CECR2: variants seen among roughly 807,000 people sequenced by gnomAD.
The protein encoded by CECR2 is CECR2 histone acetyl-lysine reader.
A neutral mutation model predicts 154.5 loss-of-function variants in CECR2; 30 were observed. The ratio of observed to expected loss-of-function variants is 0.19; its 90% CI spans 0.15 to 0.26. The LOEUF (loss-of-function observed/expected upper bound fraction) is 0.26, where lower values mean the gene tolerates loss of function less well. Ranked by LOEUF, CECR2 falls within the 10% of genes least tolerant of loss-of-function variation. The pLI, the probability that CECR2 is intolerant of heterozygous loss-of-function variation, is 1.00. For synonymous variants in CECR2, 725 were observed against 683.7 expected, an observed-to-expected ratio of 1.06 and a Z score of -0.94; for missense variants, 1,743 against 1,829.3, an observed-to-expected ratio of 0.95 and a Z score of 0.86.
In CECR2 at chr22:17,539,017, G is replaced by C; in HGVS notation, c.1393G>C (p.Glu465Gln). 3 of 1,613,792 alleles carry C rather than the reference G, an allele frequency of 1.9e-6. No individual in the cohort carries two copies. The highest frequency in any genetic ancestry group is 2.5e-6 in the Non-Finnish European group (3 of 1,179,808). The change falls in exon 13 of 19, where the codon GAG becomes CAG. Residue 465 changes from glutamate to glutamine, a missense_variant. By Grantham distance (29) the Glu-to-Gln change is conservative (BLOSUM62 2). Around this residue, in one of 4 missense-constraint regions of CECR2, gnomAD observed 103 missense variants for 166.8 expected, o/e 0.62. Transcript: ENST00000262608. ...GGCCCCCATGGATATTTCCAGCATG[G>C]AGAAGAAACTGAATGGAGGTTTATA... The part of the protein sequence containing the change: ...IKAPMDISSM[E>Q]KKLNGGLYCT...
At chr22:17,432,750 C>T (rs972875216) in intron 1 of CECR2, among the ~76,000 whole-genome samples, 1 of 152,162 alleles carries the variant, frequency 6.6e-6, no homozygotes, top group African/African-American at 2.4e-5. Context: ...ACCCTCCTAC[C>T]TCAGCCTCCT....
rs1029214007 is a variant in CECR2 at position 17,552,891 on chromosome 22, G to T, written c.*51G>T. 6.5e-7 allele frequency: 1 copy of T among 1,546,274 alleles called. No individual in the cohort carries two copies. The highest frequency in any genetic ancestry group is 8.7e-7 in the Non-Finnish European group (1 of 1,144,740). Reference sequence around the variant, plus strand: ...AATGGAAAGCTGCACACGAAGACTGGAATGTGGAGAACTGGGGAGTGCCCT... The same window carrying T: ...AATGGAAAGCTGCACACGAAGACTGTAATGTGGAGAACTGGGGAGTGCCCT... On this transcript the variant is annotated 3_prime_UTR_variant, in exon 19 of 19. Coordinates refer to ENST00000262608, the MANE Select transcript of CECR2 (RefSeq NM_001290047.2).
At chr22:17,433,201 T>C (rs1158433802) in intron 1 of CECR2, among the ~76,000 whole-genome samples, 1 of 152,220 alleles carries the variant, frequency 6.6e-6, no homozygotes, top group Non-Finnish European at 1.5e-5. Flanking sequence ...CTCATATTGC[T>C]GTATTTAAAA....
chr22:17,468,017 TAGA>T, intron 1 of CECR2, among the ~76,000 whole-genome samples: 1 of 152,318 alleles, frequency 6.6e-6, no homozygotes, highest in East Asian at 1.9e-4. Context: ...TCCTTCTTGG[TAGA>T]AGGAGAGGGC....
chr22:17,516,863 G>A (rs138962519), intron 8 of CECR2, among the ~76,000 whole-genome samples: 1 of 152,050 alleles, frequency 6.6e-6, no homozygotes, highest in East Asian at 1.9e-4. Context: ...CAAAGTGCTG[G>A]GATTACAGGT....
At chr22:17,501,726 C>G (rs1467973389) in intron 5 of CECR2, among the ~76,000 whole-genome samples, 1 of 152,104 alleles carries the variant, frequency 6.6e-6, no homozygotes, top group Non-Finnish European at 1.5e-5. Flanking sequence ...CACCTGTTTC[C>G]GGGTTTGTTA....
chr22:17,367,334 C>T (rs1351220994), upstream of CECR2, among the ~76,000 whole-genome samples: 1 of 152,018 alleles, frequency 6.6e-6, no homozygotes, highest in Non-Finnish European at 1.5e-5. Flanking sequence ...AGGGAAGAAG[C>T]TTAAACGATG....
intron 1 of CECR2, among the ~76,000 whole-genome samples, chr22:17,465,874 C>T (rs2146751345): frequency 6.6e-6 from 1 of 152,248 alleles, no homozygotes; most frequent in South Asian, 2.1e-4. Context: ...CTACCTCGTC[C>T]TCCCAAATTG....
rs149966407 is a variant in CECR2, at chr22:17,378,974, CAG to C, written c.126+9068_126+9069del. ...TGTTAATTTTTTTCTTTCTTTGAGA[CAG>C]AGTTTTGCTTTTGTGGCCCACCCAG... On this transcript the variant is annotated intron_variant, in intron 1 of 18. Coordinates refer to ENST00000262608, the MANE Select transcript of CECR2 (RefSeq NM_001290047.2). 7.9e-4 allele frequency among the ~76,000 whole-genome samples: 120 copies of C among 152,118 alleles called. 1 individual carries two copies. In the East Asian group the frequency reaches 0.021, roughly 27 times the overall value.
intron 14 of CECR2, 39 bp from the exon 15 acceptor site, chr22:17,541,800 T>C: frequency 6.3e-7 from 1 of 1,576,776 alleles, no homozygotes; most frequent in Non-Finnish European, 8.6e-7. Context: ...GTCTGTGCCT[T>C]TCCTTTTTCC....
chr22:17,377,430 ATT>A (rs566171737), intron 1 of CECR2, among the ~76,000 whole-genome samples: 10 of 140,304 alleles, frequency 7.1e-5, no homozygotes, highest in African/African-American at 1.3e-4. Flanking sequence ...TTCTTACTTC[ATT>A]TTTTTTTTTT....
chr22:17,548,593 C>T lies in CECR2; in HGVS notation c.3306C>T (p.Pro1102=). ...CGGGACAGAACGCAGCGACACCGCC[C>T]AGCACAGACCCCGGTTTGACGGGAG... ...PCTGQNAATP[P]STDPGLTGGT... is the part of the protein sequence containing the mutation. Residue 1102 remains proline, a synonymous_variant, in exon 17 of 19, where the codon CCC becomes CCT. Coordinates refer to ENST00000262608, the MANE Select transcript of CECR2 (RefSeq NM_001290047.2). 6.2e-7 allele frequency: 1 copy of T among 1,613,592 alleles called. No homozygotes were observed. Among genetic ancestry groups the T allele is most frequent in the Non-Finnish European group, 8.5e-7 (1 of 1,179,748 alleles).
chr22:17,395,067 T>C (rs2053787534), intron 1 of CECR2, among the ~76,000 whole-genome samples: 1 of 152,254 alleles, frequency 6.6e-6, no homozygotes, highest in African/African-American at 2.4e-5. Flanking sequence ...AGAGCATTTG[T>C]ATCTAACCCC....
chr22:17,552,241 C>T, intron 18 of CECR2, 99 bp downstream of exon 18: 1 of 1,074,250 alleles, frequency 9.3e-7, no homozygotes, highest in Non-Finnish European at 1.4e-6. Context: ...TTTAAGGTAT[C>T]CTGTGGATAC....
chr22:17,423,012 C>T (rs916059453), intron 1 of CECR2, among the ~76,000 whole-genome samples: 2 of 152,114 alleles, frequency 1.3e-5, no homozygotes, highest in South Asian at 2.1e-4. Flanking sequence ...AGTCTGCTTC[C>T]GATGAGTCTG....
chr22:17,388,450 C>CAGCG (rs1296961523), intron 1 of CECR2, among the ~76,000 whole-genome samples: 1 of 152,128 alleles, frequency 6.6e-6, no homozygotes, highest in Non-Finnish European at 1.5e-5. Context: ...GCCGCATGCC[C>CAGCG]AGCGGGTGGC....
intron 9 of CECR2, among the ~76,000 whole-genome samples, chr22:17,534,442 T>C (rs534667362): frequency 5.3e-5 from 8 of 152,296 alleles, no homozygotes; most frequent in South Asian, 2.1e-4. Flanking sequence ...GAAAAGAATT[T>C]TTAAGTACAA....
intron 7 of CECR2, among the ~76,000 whole-genome samples, chr22:17,510,431 C>G (rs1212853458): frequency 6.6e-6 from 1 of 151,718 alleles, no homozygotes; most frequent in Admixed American, 6.6e-5. Flanking sequence ...GATTGCACCA[C>G]TGCACTCCAT....
At chr22:17,502,057 A>G (rs1306830254) in intron 5 of CECR2, among the ~76,000 whole-genome samples, 2 of 152,218 alleles carry the variant, frequency 1.3e-5, no homozygotes, top group African/African-American at 2.4e-5. Flanking sequence ...TTAATCGAAA[A>G]CAAGCGAAAA....
Sources: allele counts gnomAD v4.1 joint callset (sites outside exome capture counted in the v4.1 genomes callset), GRCh38; gene constraint gnomAD v4.1.1; regional missense constraint gnomAD v4.1.1; transcripts MANE v1.5; gene names NCBI Gene and HGNC (gene_info 2026-07-23, HGNC 2026-07-21).